Variants in ATP2C2 observed in about 807,000 individuals in gnomAD.
The protein encoded by ATP2C2 is calcium-transporting ATPase type 2C member 2.
ATP2C2 carries 171 observed loss-of-function variants against 110.8 expected under a neutral mutation model. That is an observed-to-expected ratio of 1.54 (90% CI 1.36 to 1.75). The LOEUF is 1.75. Ranked by LOEUF, ATP2C2 falls within the 40% of genes most tolerant of loss-of-function variation. The pLI is 0.00. For missense variants in ATP2C2, 1,963 were observed against 1,235.0 expected, an observed-to-expected ratio of 1.59 and a Z score of -8.84; for synonymous variants, 804 against 508.4, an observed-to-expected ratio of 1.58 and a Z score of -7.82.
At chr16:84,399,852 G>C (rs79226103) in intron 2 of ATP2C2, among the ~76,000 whole-genome samples, 5,737 of 152,142 alleles carry the variant, frequency 0.038, 124 homozygotes, top group East Asian at 0.064. Context: ...GCAAATACTA[G>C]GTCTTATTTA....
intron 6 of ATP2C2, among the ~76,000 whole-genome samples, chr16:84,415,282 C>T (rs1906730349): frequency 2.0e-5 from 3 of 152,000 alleles, no homozygotes; most frequent in East Asian, 1.9e-4. Flanking sequence ...CAGATGTGGC[C>T]CAGGGATGCC....
intron 9 of ATP2C2, 111 bp downstream of exon 9, chr16:84,422,808 T>C: frequency 8.6e-7 from 1 of 1,159,676 alleles, no homozygotes; most frequent in Non-Finnish European, 1.2e-6. Context: ...ATGTGGTTCA[T>C]ATGAGTATAC....
intron 6 of ATP2C2, among the ~76,000 whole-genome samples, chr16:84,414,162 G>T (rs1457145766): frequency 6.6e-6 from 1 of 152,192 alleles, no homozygotes; most frequent in Non-Finnish European, 1.5e-5. Context: ...GCCTGCCATG[G>T]GAGGAGCTGA....
rs949033039 is a variant in ATP2C2, at chr16:84,461,140, G to C, written c.2481+339G>C. 1.9e-5 allele frequency: 6 copies of C among 324,294 alleles called. No homozygotes were observed. The East Asian group carries it at 3.3e-4, about 18-fold the overall frequency. The allele number at this position is 324,294 out of a possible 1,614,324, so 20.1% of individuals were successfully genotyped here. On this transcript the variant is annotated intron_variant, in intron 24 of 26. Transcript: ENST00000262429. ...TTTGAAATCTGCTAAATATCCTCCTGTGTTACACTCTAGAGGTGATTGTTT... is the reference window on the plus strand; with the variant it reads ...TTTGAAATCTGCTAAATATCCTCCTCTGTTACACTCTAGAGGTGATTGTTT...
At chr16:84,455,786 T>C (rs1472590426) in intron 21 of ATP2C2, among the ~76,000 whole-genome samples, 3 of 151,344 alleles carry the variant, frequency 2.0e-5, no homozygotes, top group African/African-American at 7.3e-5. Context: ...GCTCTTATTA[T>C]TTTGAAATAC....
intron 3 of ATP2C2, among the ~76,000 whole-genome samples, chr16:84,407,905 A>G (rs565788713): frequency 1.3e-5 from 2 of 152,352 alleles, no homozygotes; most frequent in South Asian, 4.1e-4. Context: ...GAAAGGGCAG[A>G]TATATAAAAT....
At chr16:84,439,612 C>T (rs1909064089) in intron 13 of ATP2C2, 88 bp downstream of exon 13, 9 of 1,244,956 alleles carry the variant, frequency 7.2e-6, no homozygotes, top group Non-Finnish European at 1.1e-5. Flanking sequence ...TCTTCTAGAA[C>T]ACAATAAGGA....
chr16:84,438,450 T>C (rs1164531731), intron 11 of ATP2C2, among the ~76,000 whole-genome samples: 1 of 152,202 alleles, frequency 6.6e-6, no homozygotes, highest in Non-Finnish European at 1.5e-5. Flanking sequence ...CTCTCACCTG[T>C]TGACACACCC....
chr16:84,431,820 TGA>T (rs1175518993), intron 11 of ATP2C2, among the ~76,000 whole-genome samples: 5 of 152,200 alleles, frequency 3.3e-5, no homozygotes, highest in African/African-American at 1.2e-4. Context: ...AGCAGAGAGA[TGA>T]AAAGTGTTGG....
intron 7 of ATP2C2, among the ~76,000 whole-genome samples, chr16:84,422,030 C>T (rs993369761): frequency 3.9e-5 from 6 of 152,226 alleles, no homozygotes; most frequent in Admixed American, 2.0e-4. Flanking sequence ...GTGTGGGAAC[C>T]ATACAGATTG....
Position 84,445,265 on chromosome 16 carries a change from C to T in ATP2C2, c.1402-1064C>T, listed in dbSNP as rs935146420. Among the ~76,000 whole-genome samples the T allele has an allele frequency of 2.4e-4, 36 of 151,064 alleles. No homozygotes were observed. The South Asian group carries it at 6.3e-3, about 26-fold the overall frequency. On this transcript the variant is annotated intron_variant, in intron 15 of 26. Coordinates refer to ENST00000262429, the MANE Select transcript of ATP2C2 (RefSeq NM_014861.4). ...GCTCTGTTGCCCAGGCTGGAGTGCA[C>T]TGGCTTGATCTCCGCTCACTGCAAC... is the stretch of plus-strand genomic sequence containing the variant.
rs371286170 is a variant in ATP2C2 at position 84,425,788 on chromosome 16, A to C, written c.973A>C (p.Thr325Pro). The C allele has an allele frequency of 6.2e-7, 1 of 1,614,102 alleles. No homozygotes were observed. ...AGGGAAACAACTCCTGAGTATGTTC[A>C]CGATCGGGGTCAGGTAAGAGTGCTA... is the stretch of plus-strand genomic sequence containing the variant. ...SQGKQLLSMF[T>P]IGVSLAVAAI... The change falls in exon 11 of 27, where the codon ACG (threonine) becomes CCG (proline). Residue 325 changes from threonine (T) to proline (P), a missense_variant. Transcript: ENST00000262429.
intron 1 of ATP2C2, among the ~76,000 whole-genome samples, chr16:84,374,480 C>A (rs1201688620): frequency 1.3e-5 from 2 of 152,200 alleles, no homozygotes; most frequent in African/African-American, 2.4e-5. Flanking sequence ...TTAATAAGTT[C>A]TCAGAAAACT....
At chr16:84,404,830 A>C in intron 2 of ATP2C2, 1 of 254,128 alleles carries the variant, frequency 3.9e-6, no homozygotes. Context: ...TTTTTTTTTT[A>C]AGAAGAAAAG....
Position 84,374,414 on chromosome 16 carries a change from G to T in ATP2C2, c.99+5700G>T, listed in dbSNP as rs1343643416. Among the ~76,000 whole-genome samples, 2 of 152,126 alleles carry T rather than the reference G, an allele frequency of 1.3e-5. 1 individual carries two copies. The highest frequency in any genetic ancestry group is 1.3e-4 in the Admixed American group (2 of 15,276). On this transcript the variant is annotated intron_variant, in intron 1 of 26. Coordinates refer to ENST00000262429, the MANE Select transcript of ATP2C2 (RefSeq NM_014861.4). ...ATGTCACAGTCCTGAGTTGTAAGTT[G>T]CCCCCCACCCCGAAAGGTCTGTGTT...
intron 18 of ATP2C2, among the ~76,000 whole-genome samples, chr16:84,452,497 C>CAT (rs551365326): frequency 1.7e-5 from 2 of 118,360 alleles, no homozygotes; most frequent in Non-Finnish European, 3.3e-5. Flanking sequence ...CCTCTAGTTA[C>CAT]TTTTTTTTTT....
intron 6 of ATP2C2, among the ~76,000 whole-genome samples, chr16:84,412,287 C>T (rs537994454): frequency 3.7e-4 from 25 of 68,000 alleles, no homozygotes; most frequent in Admixed American, 1.4e-3. Context: ...CGTGTGTGCA[C>T]GTATGTGTGT....
At chr16:84,451,022 A>C (rs973421787) in intron 17 of ATP2C2, among the ~76,000 whole-genome samples, 5 of 152,032 alleles carry the variant, frequency 3.3e-5, no homozygotes, top group Non-Finnish European at 5.9e-5. Context: ...GTATTAGTTT[A>C]TTTTCATGCT....
chr16:84,458,761 T>C (rs1016045750), intron 21 of ATP2C2, among the ~76,000 whole-genome samples: 1 of 152,296 alleles, frequency 6.6e-6, no homozygotes, highest in East Asian at 1.9e-4. Flanking sequence ...GCTGCGTCTC[T>C]CTCTCCTCTT....
Sources: gnomAD v4.1 joint callset for allele counts (sites outside exome capture counted in the v4.1 genomes callset) on GRCh38, gnomAD v4.1.1 for gene constraint, MANE v1.5 for transcripts, NCBI Gene and HGNC (gene_info 2026-07-23, HGNC 2026-07-21) for gene names.